The following RPL37 variants were observed in gnomAD, a reference collection of about 807,000 sequenced individuals.
RPL37 encodes the protein ribosomal protein L37.
RPL37 carries 1 observed loss-of-function variant against 14.8 expected under a neutral mutation model. The observed-to-expected ratio is 0.07, with a 90% CI of 0.02 to 0.32. The LOEUF (loss-of-function observed/expected upper bound fraction) is 0.32, where lower values mean the gene tolerates loss of function less well. Ranked by LOEUF, RPL37 falls within the 10% of genes least tolerant of loss-of-function variation. The pLI is 1.00. For missense variants in RPL37, 100 were observed against 128.3 expected (o/e 0.78, Z 1.06); for synonymous variants, 53 against 45.8 (o/e 1.16, Z -0.63).
At chr5:40,834,414 C>T (rs1745716915) in intron 2 of RPL37, 57 bp downstream of exon 2, 1 of 1,594,496 alleles carries the variant, frequency 6.3e-7, no homozygotes, top group African/African-American at 1.3e-5. Context: ...CCTATGCCCC[C>T]ACTTAAGTGC....
In RPL37 at chr5:40,829,039, G is replaced by A. The variant is rs1467972054; in HGVS notation, c.*3465C>T. On this transcript the variant is annotated 3_prime_UTR_variant, in exon 4 of 4. Coordinates refer to ENST00000274242, the MANE Select transcript of RPL37 (RefSeq NM_000997.5). ...AGGATAGTTACTGAAGTTCATCGAT[G>A]AACTCAAGCCCTCTTGCTTACTCTG... 6.6e-6 allele frequency: 1 copy of A among 152,158 alleles called. No individual in the cohort carries two copies. The highest frequency in any genetic ancestry group is 6.5e-5 in the Admixed American group (1 of 15,278). The allele number at this position is 152,158 out of a possible 1,614,324, so 9.4% of individuals were successfully genotyped here. A position where few individuals can be genotyped will look rare whatever the true frequency, so the allele number is the denominator to read the frequency against.
chr5:40,826,606 G>A lies in RPL37; in HGVS notation c.*5898C>T, dbSNP rs767695702. The stretch of plus-strand genomic sequence containing the variant: ...TGTTTCGTACAACCATTTAGCTGGG[G>A]AGCCCAGAGAGGGCTGCTGCCATGC... On this transcript the variant is annotated 3_prime_UTR_variant, in exon 4 of 4. Transcript: ENST00000274242. 3.3e-5 allele frequency: 5 copies of A among 152,148 alleles called. No homozygotes were observed. The highest frequency in any genetic ancestry group is 5.9e-5 in the Non-Finnish European group (4 of 68,028). The allele number at this position is 152,148 out of a possible 1,614,324, so 9.4% of individuals were successfully genotyped here. A position where few individuals can be genotyped will look rare whatever the true frequency, so the allele number is the denominator to read the frequency against.
chr5:40,834,382 T>C (rs1182401512), intron 2 of RPL37, 89 bp downstream of exon 2: 15 of 1,577,644 alleles, frequency 9.5e-6, no homozygotes, highest in African/African-American at 4.1e-5. Flanking sequence ...AGTTTTAAGA[T>C]AGGCACCAAA....
At position 40,828,054 on chromosome 5, in the gene RPL37, G is replaced by A. The variant is rs954745957; in HGVS notation, c.*4450C>T. On this transcript the variant is annotated 3_prime_UTR_variant, in exon 4 of 4. Transcript: ENST00000274242. ...ACAAGTTCTTCAGTAAAATAATTCT[G>A]TAATGTATTGCTTTGCTTTTCTTAC... 1 of 152,090 alleles carries A rather than the reference G, an allele frequency of 6.6e-6. No homozygotes were observed. The highest frequency in any genetic ancestry group is 2.4e-5 in the African/African-American group (1 of 41,418). 9.4% of individuals were successfully genotyped at this position (152,090 alleles called of 1,614,324 possible).
rs1745653502 is a variant in RPL37 at position 40,832,123 on chromosome 5, G to C, written c.*381C>G. On this transcript the variant is annotated 3_prime_UTR_variant, in exon 4 of 4. Transcript: ENST00000274242. ...AATAATCATCCCCCTAGTCATGACA[G>C]CATAGCAGATGAACATGTTGCTAAA... 1 of 238,082 alleles carries C rather than the reference G, an allele frequency of 4.2e-6. No homozygotes were observed. The highest frequency in any genetic ancestry group is 8.7e-6 in the Non-Finnish European group (1 of 115,436). The allele number at this position is 238,082 out of a possible 1,614,324, so 14.7% of individuals were successfully genotyped here. A position where few individuals can be genotyped will look rare whatever the true frequency, so the allele number is the denominator to read the frequency against.
In RPL37 at chr5:40,832,333, C is replaced by T; in HGVS notation, c.*171G>A. On this transcript the variant is annotated 3_prime_UTR_variant, in exon 4 of 4. Transcript: ENST00000274242. ...GTTACAAACCCAGTCCAAAAGTAAACATTCCAAAACAGTCACTTAACAAGT... is the reference window on the plus strand; with the variant it reads ...GTTACAAACCCAGTCCAAAAGTAAATATTCCAAAACAGTCACTTAACAAGT... 1 of 674,280 alleles carries T rather than the reference C, an allele frequency of 1.5e-6. No individual in the cohort carries two copies. Among genetic ancestry groups the T allele is most frequent in the South Asian group, 1.7e-5 (1 of 59,804 alleles). The allele number at this position is 674,280 out of a possible 1,614,324, so 41.8% of individuals were successfully genotyped here. A position where few individuals can be genotyped will look rare whatever the true frequency, so the allele number is the denominator to read the frequency against.
In RPL37 at chr5:40,834,210, C is replaced by T. The variant is rs151030163; in HGVS notation, c.195G>A (p.Arg65=). 11 of 1,613,968 alleles carry T rather than the reference C, an allele frequency of 6.8e-6. No homozygotes were observed. Among genetic ancestry groups the T allele is most frequent in the Non-Finnish European group, 9.3e-6 (11 of 1,179,876 alleles). ...ATCTGCGGTATACAATTTTTAGGTG[C>T]CTCATTCGACCAGTTCCGGTGGTAT... ...RRNTTGTGRM[R]HLKIVYRRFR... Residue 65 remains arginine, a synonymous_variant, in exon 3 of 4, where the codon AGG becomes AGA. Transcript: ENST00000274242.
In RPL37 at chr5:40,832,348, A is replaced by C; in HGVS notation, c.*156T>G. On this transcript the variant is annotated 3_prime_UTR_variant, in exon 4 of 4. Transcript: ENST00000274242. ...CAAAAGTAAACATTCCAAAACAGTCACTTAACAAGTAAATCTGATATGAAG... is the reference window on the plus strand; with the variant it reads ...CAAAAGTAAACATTCCAAAACAGTCCCTTAACAAGTAAATCTGATATGAAG... 5.6e-6 allele frequency: 4 copies of C among 716,214 alleles called. No homozygotes were observed. The East Asian group carries it at 1.0e-4, about 18-fold the overall frequency. 44.4% of individuals were successfully genotyped at this position (716,214 alleles called of 1,614,324 possible).
At position 40,833,939 on chromosome 5, in the gene RPL37, C is replaced by G. The variant is rs1435178256; in HGVS notation, c.224+242G>C. The G allele has an allele frequency of 1.0e-5, 5 of 498,068 alleles. No homozygotes were observed. The Admixed American group carries it at 1.4e-4, about 14-fold the overall frequency. 30.9% of individuals were successfully genotyped at this position (498,068 alleles called of 1,614,324 possible). On this transcript the variant is annotated intron_variant, in intron 3 of 3. Coordinates refer to ENST00000274242, the MANE Select transcript of RPL37 (RefSeq NM_000997.5). ...GCGCACACCTGTAGTCCCGGGTACT[C>G]GGGCGGCTGAGATGAGATTACCTGA...
intron 3 of RPL37, 114 bp downstream of exon 3, chr5:40,834,067 C>A: frequency 1.3e-6 from 1 of 769,068 alleles, no homozygotes. Context: ...AAATAAAAAG[C>A]TTCCAACATC....
rs1424374888 is a variant in RPL37 at position 40,828,984 on chromosome 5, TCA to T, written c.*3518_*3519del. On this transcript the variant is annotated 3_prime_UTR_variant, in exon 4 of 4. Coordinates refer to ENST00000274242, the MANE Select transcript of RPL37 (RefSeq NM_000997.5). ...CTTTTTGTTTTTGGAGTCTGTAAAT[TCA>T]CAAATGGTTTCCACCAATACTAAGT... 1 of 152,200 alleles carries T rather than the reference TCA, an allele frequency of 6.6e-6. No homozygotes were observed. Among genetic ancestry groups the T allele is most frequent in the Non-Finnish European group, 1.5e-5 (1 of 68,034 alleles). 9.4% of individuals were successfully genotyped at this position (152,200 alleles called of 1,614,324 possible).
At chr5:40,834,389 C>A in intron 2 of RPL37, 82 bp downstream of exon 2, 9 of 1,581,608 alleles carry the variant, frequency 5.7e-6, no homozygotes, top group Non-Finnish European at 7.8e-6. Flanking sequence ...AGATAGGCAC[C>A]AAATAAAGTT....
In RPL37 at chr5:40,835,132, A is replaced by G. The variant is rs1043495902; in HGVS notation, c.3+51T>C. 3 of 1,613,584 alleles carry G rather than the reference A, an allele frequency of 1.9e-6. No individual in the cohort carries two copies. The East Asian group carries it at 6.7e-5, about 36-fold the overall frequency. On this transcript the variant is annotated intron_variant, in intron 1 of 3. Coordinates refer to ENST00000274242, the MANE Select transcript of RPL37 (RefSeq NM_000997.5). ...CCCCAAGCACAGCAAACAGAGAGGC[A>G]CAAAGGACGAGGATGGAACGCGATT... is the stretch of plus-strand genomic sequence containing the variant.
At position 40,832,015 on chromosome 5, in the gene RPL37, G is replaced by A. The variant is rs1464999757; in HGVS notation, c.*489C>T. On this transcript the variant is annotated 3_prime_UTR_variant, in exon 4 of 4. Transcript: ENST00000274242. ...GCCAAGTGAGCATTACAGATACTAGGATAAGATCATCTTTTGAAAAACAGA... is the reference window on the plus strand; with the variant it reads ...GCCAAGTGAGCATTACAGATACTAGAATAAGATCATCTTTTGAAAAACAGA... 6.0e-6 allele frequency: 1 copy of A among 167,028 alleles called. No individual in the cohort carries two copies. Among genetic ancestry groups the A allele is most frequent in the Non-Finnish European group, 1.3e-5 (1 of 74,998 alleles). 10.3% of individuals were successfully genotyped at this position (167,028 alleles called of 1,614,324 possible).
At position 40,828,369 on chromosome 5, in the gene RPL37, T is replaced by C. The variant is rs1389892468; in HGVS notation, c.*4135A>G. On this transcript the variant is annotated 3_prime_UTR_variant, in exon 4 of 4. Transcript: ENST00000274242. ...ATGATTGAAATCTGTCAGGGCAGGG[T>C]CTTTGTTTTGTTTTCCACTTAAAAG... 6.6e-6 allele frequency: 1 copy of C among 152,130 alleles called. No homozygotes were observed. Among genetic ancestry groups the C allele is most frequent in the Non-Finnish European group, 1.5e-5 (1 of 68,034 alleles). 9.4% of individuals were successfully genotyped at this position (152,130 alleles called of 1,614,324 possible). A position where few individuals can be genotyped will look rare whatever the true frequency, so the allele number is the denominator to read the frequency against.
rs1209188624 is a variant in RPL37 at position 40,826,670 on chromosome 5, A to G, written c.*5834T>C. On this transcript the variant is annotated 3_prime_UTR_variant, in exon 4 of 4. Coordinates refer to ENST00000274242, the MANE Select transcript of RPL37 (RefSeq NM_000997.5). ...TTGTTTTTTTCAGGCCAGGGATGTGAGAATGTTTCCTGAGGACCAGATGTG... is the reference window on the plus strand; with the variant it reads ...TTGTTTTTTTCAGGCCAGGGATGTGGGAATGTTTCCTGAGGACCAGATGTG... 2 of 152,216 alleles carry G rather than the reference A, an allele frequency of 1.3e-5. No individual in the cohort carries two copies. Among genetic ancestry groups the G allele is most frequent in the Non-Finnish European group, 1.5e-5 (1 of 68,052 alleles). 9.4% of individuals were successfully genotyped at this position (152,216 alleles called of 1,614,324 possible). A position where few individuals can be genotyped will look rare whatever the true frequency, so the allele number is the denominator to read the frequency against.
chr5:40,827,472 C>T lies in RPL37; in HGVS notation c.*5032G>A, dbSNP rs551224686. 6.6e-6 allele frequency: 1 copy of T among 152,182 alleles called. No homozygotes were observed. The highest frequency in any genetic ancestry group is 2.1e-4 in the South Asian group (1 of 4,834). The allele number at this position is 152,182 out of a possible 1,614,324, so 9.4% of individuals were successfully genotyped here. On this transcript the variant is annotated 3_prime_UTR_variant, in exon 4 of 4. Coordinates refer to ENST00000274242, the MANE Select transcript of RPL37 (RefSeq NM_000997.5). ...AAATAAAACTGTTTTCGCAACTAAT[C>T]ATGATGAAAATACTTTTTGTTATCT...
At position 40,831,822 on chromosome 5, in the gene RPL37, C is replaced by A. The variant is rs29764; in HGVS notation, c.*682G>T. 2 of 152,376 alleles carry A rather than the reference C, an allele frequency of 1.3e-5. No homozygotes were observed. Among genetic ancestry groups the A allele is most frequent in the African/African-American group, 4.8e-5 (2 of 41,458 alleles). 9.4% of individuals were successfully genotyped at this position (152,376 alleles called of 1,614,324 possible). On this transcript the variant is annotated 3_prime_UTR_variant, in exon 4 of 4. Coordinates refer to ENST00000274242, the MANE Select transcript of RPL37 (RefSeq NM_000997.5). ...GTCCCACATCATTGCCTTTAGTCTA[C>A]AAATCTCAGGGATTATACTTGATTT... is the stretch of plus-strand genomic sequence containing the variant.
At chr5:40,833,360 A>G (rs1745683667) in intron 3 of RPL37, among the ~76,000 whole-genome samples, 1 of 152,242 alleles carries the variant, frequency 6.6e-6, no homozygotes, top group South Asian at 2.1e-4. Flanking sequence ...AATAGAACAT[A>G]GTAACGGAAG....
Sources: allele counts gnomAD v4.1 joint callset (sites outside exome capture counted in the v4.1 genomes callset), GRCh38; gene constraint gnomAD v4.1.1; transcripts MANE v1.5; gene names NCBI Gene and HGNC (gene_info 2026-07-23, HGNC 2026-07-21).